Variants in SAMM50 observed in about 807,000 individuals in gnomAD.
SAMM50 encodes the protein sorting and assembly machinery component 50 homolog.
Under a neutral mutation model 66.9 loss-of-function variants are expected in SAMM50, and 47 were observed. The ratio of observed to expected loss-of-function variants is 0.70; its 90% confidence interval spans 0.56 to 0.90. The LOEUF (loss-of-function observed/expected upper bound fraction) is 0.90. SAMM50 is among the 40% of genes least tolerant of loss of function. The pLI, the probability that SAMM50 is intolerant of heterozygous loss-of-function variation, is 0.00. For missense variants in SAMM50, 535 were observed against 595.3 expected (o/e 0.90, Z 1.05); for synonymous variants, 191 against 214.1 (o/e 0.89, Z 0.94).
At chr22:43,957,199 G>C (rs2050124075) in intron 1 of SAMM50, 1 of 684,036 alleles carries the variant, frequency 1.5e-6, no homozygotes, top group Non-Finnish European at 2.7e-6. Context: ...GACTCCTGGC[G>C]GCAAATCAAA....
Position 43,996,464 on chromosome 22 carries a change from G to C in SAMM50, c.*81G>C, listed in dbSNP as rs2050355900. ...CACACACCGTCTCTCGAGGAAACGC[G>C]GTTCAGCGATTCTTTGACTGCGGAC... On this transcript the variant is annotated 3_prime_UTR_variant, in exon 15 of 15. Transcript: ENST00000350028. 3 of 1,339,360 alleles carry C rather than the reference G, an allele frequency of 2.2e-6. No homozygotes were observed. The highest frequency in any genetic ancestry group is 3.2e-6 in the Non-Finnish European group (3 of 930,320). The allele number at this position is 1,339,360 out of a possible 1,614,324, so 83.0% of individuals were successfully genotyped here.
intron 10 of SAMM50, 52 bp from the exon 11 acceptor site, chr22:43,981,339 T>C: frequency 2.1e-6 from 3 of 1,435,572 alleles, no homozygotes; most frequent in Non-Finnish European, 2.9e-6. Context: ...CTGATGTTCC[T>C]GGAGTGAAAG....
At chr22:43,985,173 C>T (rs1014752635) in intron 12 of SAMM50, among the ~76,000 whole-genome samples, 2 of 151,968 alleles carry the variant, frequency 1.3e-5, no homozygotes, top group African/African-American at 2.4e-5. Context: ...TGTTAGGATG[C>T]TTCATTGGTT....
chr22:43,965,049 G>T (rs981143148), intron 3 of SAMM50, among the ~76,000 whole-genome samples: 1 of 151,846 alleles, frequency 6.6e-6, no homozygotes, highest in Non-Finnish European at 1.5e-5. Flanking sequence ...CTTTCTGCCC[G>T]TGGGACCATA....
intron 1 of SAMM50, among the ~76,000 whole-genome samples, chr22:43,958,310 G>A (rs940611711): frequency 6.6e-6 from 1 of 152,148 alleles, no homozygotes; most frequent in Non-Finnish European, 1.5e-5. Flanking sequence ...ATTTCTAGAT[G>A]TAATGGTAGG....
chr22:43,955,697 C>G (rs1056800257), intron 1 of SAMM50, 99 bp downstream of exon 1: 55 of 1,337,030 alleles, frequency 4.1e-5, no homozygotes, highest in Non-Finnish European at 5.3e-5. Context: ...CAGGGTTCAC[C>G]GGGAGAGAGG....
chr22:43,978,160 A>T (rs2050242746), intron 10 of SAMM50, among the ~76,000 whole-genome samples: 1 of 152,038 alleles, frequency 6.6e-6, no homozygotes, highest in African/African-American at 2.4e-5. Context: ...GTAACCTCTG[A>T]TGGCCGGGCG....
In SAMM50 at chr22:43,975,551, C is replaced by T. The variant is rs539091845; in HGVS notation, c.649-504C>T. ...ACCTGCTTGGACCCCAGAATTCACC[C>T]GGCTCAGGCCTCTGCTGCAGGAAGG... On this transcript the variant is annotated intron_variant, in intron 7 of 14. Coordinates refer to ENST00000350028, the MANE Select transcript of SAMM50 (RefSeq NM_015380.5). 4 of 153,168 alleles carry T rather than the reference C, an allele frequency of 2.6e-5. No individual in the cohort carries two copies. The East Asian group carries it at 5.8e-4, about 22-fold the overall frequency. 9.5% of individuals were successfully genotyped at this position (153,168 alleles called of 1,614,324 possible). A position where few individuals can be genotyped will look rare whatever the true frequency, so the allele number is the denominator to read the frequency against.
At chr22:43,962,263 A>C (rs1393520923) in intron 1 of SAMM50, among the ~76,000 whole-genome samples, 1 of 152,206 alleles carries the variant, frequency 6.6e-6, no homozygotes, top group Non-Finnish European at 1.5e-5. Context: ...TGTAAGTGAA[A>C]ATCAGAATGG....
chr22:43,990,882 T>A (rs1048439422), intron 14 of SAMM50, among the ~76,000 whole-genome samples: 3 of 152,216 alleles, frequency 2.0e-5, no homozygotes, highest in African/African-American at 7.2e-5. Flanking sequence ...CTTATTTTAT[T>A]GAGGAAAGAT....
Position 43,972,872 on chromosome 22 carries a change from T to G in SAMM50, c.431T>G (p.Val144Gly). The change falls in exon 6 of 15, where the codon GTA (valine) becomes GGA (glycine). Residue 144 changes from valine (V) to glycine (G), a missense_variant and splice_region_variant. Val to Gly is a moderately radical substitution (Grantham distance 109, BLOSUM62 -3). Transcript: ENST00000350028. The stretch of plus-strand genomic sequence containing the variant: ...TATTTTTTTTTTTTCCCCTCCTAGG[T>G]ACTTGGCCTCAAGCTTCCTAATCTT... ...TMVGNNEGSM[V>G]LGLKLPNLLG... 1 of 1,589,136 alleles carries G rather than the reference T, an allele frequency of 6.3e-7. No homozygotes were observed. The highest frequency in any genetic ancestry group is 1.9e-5 in the Admixed American group (1 of 52,952).
intron 8 of SAMM50, 21 bp from the exon 9 acceptor site, chr22:43,976,729 C>T (rs758794233): frequency 6.3e-7 from 1 of 1,579,488 alleles, no homozygotes; most frequent in South Asian, 1.1e-5. Flanking sequence ...GTGAAAATAT[C>T]CCCATTCAAA....
At chr22:43,957,429 T>A (rs2146802972) in intron 1 of SAMM50, 1 of 305,968 alleles carries the variant, frequency 3.3e-6, no homozygotes, top group East Asian at 8.9e-5. Flanking sequence ...TAATTGTAAC[T>A]ACATTTCTTT....
intron 7 of SAMM50, chr22:43,975,806 T>G (rs550572396): frequency 1.3e-4 from 57 of 431,582 alleles, no homozygotes; most frequent in African/African-American, 1.0e-3. Context: ...TCACCTGGGG[T>G]GCAGTCCTGC....
chr22:43,996,009 C>T (rs1259815425), intron 14 of SAMM50, among the ~76,000 whole-genome samples: 1 of 152,206 alleles, frequency 6.6e-6, no homozygotes, highest in East Asian at 1.9e-4. Flanking sequence ...CTCCTTCCCT[C>T]CCTGCTCCGC....
rs1361095112 is a variant in SAMM50, at chr22:43,972,893, ATCT to A, written c.457_459del (p.Leu153del). 2.5e-6 allele frequency: 4 copies of A among 1,598,964 alleles called. No homozygotes were observed. Among genetic ancestry groups the A allele is most frequent in the Non-Finnish European group, 3.4e-6 (4 of 1,176,612 alleles). ...TAGGTACTTGGCCTCAAGCTTCCTA[ATCT>A]TCTTGGTCGTGCAGAAAAGGTGACC... On this transcript the variant is annotated inframe_deletion, in exon 6 of 15. Coordinates refer to ENST00000350028, the MANE Select transcript of SAMM50 (RefSeq NM_015380.5).
chr22:43,986,316 AG>A (rs1441359102), intron 12 of SAMM50: 1 of 152,034 alleles, frequency 6.6e-6, no homozygotes, highest in Non-Finnish European at 1.5e-5. Flanking sequence ...CTGGGATTAC[AG>A]GTGTGAGCCA....
intron 1 of SAMM50, 54 bp from the exon 2 acceptor site, chr22:43,963,232 T>C: frequency 9.4e-7 from 1 of 1,066,234 alleles, no homozygotes; most frequent in Non-Finnish European, 1.4e-6. Context: ...CAAAGGTAAG[T>C]GTGTGTATAT....
chr22:43,976,339 T>C (rs1403959071), intron 8 of SAMM50, among the ~76,000 whole-genome samples, 156 bp downstream of exon 8: 1 of 152,232 alleles, frequency 6.6e-6, no homozygotes, highest in African/African-American at 2.4e-5. Flanking sequence ...GCTTGTGGTG[T>C]CCTGCCTCGC....
Sources: allele counts gnomAD v4.1 joint callset (sites outside exome capture counted in the v4.1 genomes callset), GRCh38; gene constraint gnomAD v4.1.1; transcripts MANE v1.5; gene names NCBI Gene and HGNC (gene_info 2026-07-23, HGNC 2026-07-21).